Variants in EIF4G3 observed in about 807,000 individuals in gnomAD.
The protein encoded by EIF4G3 is eIF-4-gamma 3.
Under a neutral mutation model 186.4 loss-of-function variants are expected in EIF4G3, and 34 were observed. That is an observed-to-expected ratio of 0.18 (90% confidence interval 0.14 to 0.24). The LOEUF (loss-of-function observed/expected upper bound fraction) is 0.24, where lower values mean the gene tolerates loss of function less well. EIF4G3 is among the 10% of genes least tolerant of loss of function. EIF4G3 has a pLI of 1.00. For synonymous variants in EIF4G3, 673 were observed against 679.5 expected, an observed-to-expected ratio of 0.99 and a Z score of 0.15; for missense variants, 1,536 against 1,948.5, an observed-to-expected ratio of 0.79 and a Z score of 3.99.
At chr1:20,828,160 G>A (rs2064149820) in intron 31 of EIF4G3, among the ~76,000 whole-genome samples, 1 of 149,934 alleles carries the variant, frequency 6.7e-6, no homozygotes, top group East Asian at 2.0e-4. Flanking sequence ...AGCTTCCCAA[G>A]TAGCTGGGAT....
Position 21,124,495 on chromosome 1 carries a change from T to TA in EIF4G3, c.-271-35283dup, listed in dbSNP as rs1490793410. On this transcript the variant is annotated intron_variant, in intron 2 of 36. Transcript: ENST00000602326. The stretch of plus-strand genomic sequence containing the variant: ...AAGGGTAGGCTTTATTTTGCTTCTA[T>TA]AAGAGGATAACTCACTGACACATAA... Among the ~76,000 whole-genome samples the TA allele has an allele frequency of 5.3e-5, 8 of 152,294 alleles. No individual in the cohort carries two copies. In the East Asian group the frequency reaches 9.6e-4, roughly 18 times the overall value.
intron 2 of EIF4G3, among the ~76,000 whole-genome samples, chr1:21,152,079 CAGA>C (rs1269703562): frequency 6.6e-6 from 1 of 152,098 alleles, no homozygotes; most frequent in Non-Finnish European, 1.5e-5. Context: ...TTAAAAGGCT[CAGA>C]AGAAGTTCTA....
chr1:20,997,461 T>C, intron 7 of EIF4G3, 140 bp downstream of exon 7: 2 of 855,748 alleles, frequency 2.3e-6, no homozygotes, highest in Non-Finnish European at 3.9e-6. Context: ...CAAAGAAAGC[T>C]GAATTATATC....
intron 33 of EIF4G3, among the ~76,000 whole-genome samples, chr1:20,819,903 G>A (rs2061891587): frequency 6.6e-6 from 1 of 152,080 alleles, no homozygotes; most frequent in Non-Finnish European, 1.5e-5. Context: ...GAGGAGAGAG[G>A]GGAGAGGAGA....
At chr1:20,857,651 A>AAGCAGAAGCACCCTGTATC (rs1000869726) in intron 24 of EIF4G3, among the ~76,000 whole-genome samples, 154 bp from the exon 25 acceptor site, 3 of 152,190 alleles carry the variant, frequency 2.0e-5, no homozygotes, top group Admixed American at 6.6e-5. Context: ...AGGAAAATAT[A>AAGCAGAAGCACCCTGTATC]AGCAGAAGCA....
intron 3 of EIF4G3, among the ~76,000 whole-genome samples, chr1:21,075,284 T>C (rs2095551144): frequency 6.6e-6 from 1 of 151,708 alleles, no homozygotes; most frequent in South Asian, 2.1e-4. Context: ...AAGACACACA[T>C]AGGGCCGGGC....
At chr1:21,162,928 T>C (rs1024868811) in intron 2 of EIF4G3, among the ~76,000 whole-genome samples, 1 of 152,138 alleles carries the variant, frequency 6.6e-6, no homozygotes, top group African/African-American at 2.4e-5. Context: ...TGGCATGAAC[T>C]TTATGGTTAG....
At chr1:20,954,903 T>C (rs1347371468) in intron 12 of EIF4G3, among the ~76,000 whole-genome samples, 1 of 152,180 alleles carries the variant, frequency 6.6e-6, no homozygotes, top group East Asian at 1.9e-4. Context: ...GAGGAAGATA[T>C]TCTGAGTAAG....
At chr1:21,113,577 C>T (rs1383855354) in intron 2 of EIF4G3, among the ~76,000 whole-genome samples, 1 of 152,036 alleles carries the variant, frequency 6.6e-6, no homozygotes, top group Non-Finnish European at 1.5e-5. Flanking sequence ...TGTGCTGTTA[C>T]AGTAAAATCA....
chr1:21,168,026 T>C (rs553446769), intron 2 of EIF4G3: 238 of 470,402 alleles, frequency 5.1e-4, no homozygotes, highest in Non-Finnish European at 9.5e-4. Flanking sequence ...AAGCCAAAGG[T>C]GAAAAAATAT....
At chr1:20,941,118 G>A in intron 14 of EIF4G3, 1 of 1,088,554 alleles carries the variant, frequency 9.2e-7, no homozygotes, top group South Asian at 1.8e-5. Flanking sequence ...TAGGAAGACA[G>A]AATTAGGGAC....
At chr1:21,111,374 T>C (rs1445110261) in intron 2 of EIF4G3, 11 of 471,516 alleles carry the variant, frequency 2.3e-5, no homozygotes. Flanking sequence ...ATCAATACTC[T>C]GTGGGATTGC....
In EIF4G3 at chr1:20,937,999, C is replaced by T. The variant is rs554159770; in HGVS notation, c.1663+3492G>A. On this transcript the variant is annotated intron_variant, in intron 14 of 36. Transcript: ENST00000602326. Reference sequence around the variant, plus strand: ...TTCTTCAATCCGAAAACAACTGATGCTTTCTTTTTTTTTTTAAGATGGGGT... The same window carrying T: ...TTCTTCAATCCGAAAACAACTGATGTTTTCTTTTTTTTTTTAAGATGGGGT... Among the ~76,000 whole-genome samples the T allele has an allele frequency of 2.4e-3, 322 of 134,886 alleles. 2 individuals carry two copies. The highest frequency in any genetic ancestry group is 4.5e-3 in the Non-Finnish European group (260 of 57,930). The allele number at this position is 134,886 out of a possible 152,430, so 88.5% of individuals were successfully genotyped here. A position where few individuals can be genotyped will look rare whatever the true frequency, so the allele number is the denominator to read the frequency against.
chr1:20,891,787 C>G (rs1373576438), intron 18 of EIF4G3, among the ~76,000 whole-genome samples: 1 of 146,228 alleles, frequency 6.8e-6, no homozygotes, highest in Non-Finnish European at 1.5e-5. Context: ...GACACTCTGT[C>G]TCAAAAAAAA....
intron 10 of EIF4G3, among the ~76,000 whole-genome samples, chr1:20,974,006 A>G (rs970002834): frequency 2.0e-5 from 3 of 152,188 alleles, no homozygotes; most frequent in Non-Finnish European, 4.4e-5. Flanking sequence ...ACTCAAGGAA[A>G]ACTCTTTCAG....
intron 2 of EIF4G3, among the ~76,000 whole-genome samples, chr1:21,148,255 G>A (rs2097486363): frequency 6.6e-6 from 1 of 152,048 alleles, no homozygotes; most frequent in African/African-American, 2.4e-5. Context: ...TAATTTCACA[G>A]AGACAAGGTC....
intron 2 of EIF4G3, among the ~76,000 whole-genome samples, chr1:21,106,822 G>A (rs2096626478): frequency 6.6e-6 from 1 of 152,150 alleles, no homozygotes; most frequent in South Asian, 2.1e-4. Flanking sequence ...TGGCCACTGA[G>A]GTTGGAGGAA....
intron 3 of EIF4G3, among the ~76,000 whole-genome samples, chr1:21,074,867 G>C (rs1030335213): frequency 6.6e-6 from 1 of 152,162 alleles, no homozygotes; most frequent in South Asian, 2.1e-4. Context: ...TTGAGCCCAG[G>C]AGTTCGAGAC....
intron 2 of EIF4G3, among the ~76,000 whole-genome samples, chr1:21,114,433 A>T (rs1002103041): frequency 2.0e-5 from 3 of 152,194 alleles, no homozygotes; most frequent in Non-Finnish European, 4.4e-5. Context: ...CCGGCCCTTG[A>T]AAGCTGTAAT....
Sources: gnomAD v4.1 joint callset for allele counts (sites outside exome capture counted in the v4.1 genomes callset) on GRCh38, gnomAD v4.1.1 for gene constraint, MANE v1.5 for transcripts, NCBI Gene and HGNC (gene_info 2026-07-23, HGNC 2026-07-21) for gene names.